CSMD1: variants seen among roughly 807,000 people sequenced by gnomAD.
The protein encoded by CSMD1 is CUB and Sushi multiple domains 1.
Under a neutral mutation model 417.5 loss-of-function variants are expected in CSMD1, and 213 were observed. The observed-to-expected ratio is 0.51, with a 90% confidence interval of 0.46 to 0.57. The LOEUF is 0.57. Among genes scored for constraint, CSMD1 ranks in the 20% least tolerant of loss-of-function variants. The pLI, the probability that CSMD1 is intolerant of heterozygous loss-of-function variation, is 0.00. For synonymous variants in CSMD1, 2,862 were observed against 1,736.8 expected (o/e 1.65, Z -16.11); for missense variants, 6,923 against 4,529.7 (o/e 1.53, Z -15.17).
At chr8:3,017,349 G>A (rs978534534) in intron 52 of CSMD1, among the ~76,000 whole-genome samples, 2 of 152,122 alleles carry the variant, frequency 1.3e-5, no homozygotes, top group Non-Finnish European at 1.5e-5. Context: ...CTCCTAGAAG[G>A]ACTTGTGACT....
chr8:2,949,650 C>T (rs970363793), intron 67 of CSMD1, among the ~76,000 whole-genome samples: 3 of 146,234 alleles, frequency 2.1e-5, no homozygotes, highest in Admixed American at 7.0e-5. Flanking sequence ...TACAATATAT[C>T]CATATGTTAA....
At chr8:4,983,428 A>G (rs1811004570) in intron 1 of CSMD1, among the ~76,000 whole-genome samples, 1 of 152,366 alleles carries the variant, frequency 6.6e-6, no homozygotes, top group African/African-American at 2.4e-5. Context: ...TGATGCTTGG[A>G]TACTTGCAAG....
intron 1 of CSMD1, among the ~76,000 whole-genome samples, chr8:4,969,624 G>A (rs567775616): frequency 6.6e-6 from 1 of 151,924 alleles, no homozygotes; most frequent in South Asian, 2.1e-4. Flanking sequence ...ACATAGGGCT[G>A]TGCTTTTGAA....
At chr8:3,302,138 G>T (rs374254910) in intron 25 of CSMD1, among the ~76,000 whole-genome samples, 2 of 152,128 alleles carry the variant, frequency 1.3e-5, no homozygotes, top group Non-Finnish European at 2.9e-5. Context: ...AATAGGGAAT[G>T]ATGACAATAA....
At chr8:3,890,586 C>T (rs1806901948) in intron 5 of CSMD1, among the ~76,000 whole-genome samples, 1 of 151,840 alleles carries the variant, frequency 6.6e-6, no homozygotes, top group African/African-American at 2.4e-5. Context: ...GTTTTTATGC[C>T]GATTTCAGGA....
chr8:4,047,405 G>T (rs966422132), intron 3 of CSMD1, among the ~76,000 whole-genome samples: 1 of 151,996 alleles, frequency 6.6e-6, no homozygotes, highest in Admixed American at 6.6e-5. Context: ...GAAATATTGC[G>T]GAAAAAATAA....
At chr8:4,706,040 A>C (rs1225685975) in intron 1 of CSMD1, among the ~76,000 whole-genome samples, 2 of 135,924 alleles carry the variant, frequency 1.5e-5, no homozygotes, top group Non-Finnish European at 3.4e-5. Context: ...TATTTAAAAT[A>C]TGTAATTTTT....
rs115000684 is a variant in CSMD1, at chr8:4,320,988, A to T, written c.415+98965T>A. ...GGTCCAGTTTCAGCATTGCCTCCTT[A>T]TACCAGTTTCTCTGTAAATTATTTA... On this transcript the variant is annotated intron_variant, in intron 3 of 69. Coordinates refer to ENST00000635120, the MANE Select transcript of CSMD1 (RefSeq NM_033225.6). Among the ~76,000 whole-genome samples, 1,016 of 152,248 alleles carry T rather than the reference A, an allele frequency of 6.7e-3. 13 individuals carry two copies. Among genetic ancestry groups the T allele is most frequent in the African/African-American group, 0.023 (955 of 41,546 alleles).
chr8:3,800,357 G>C (rs774260745), intron 5 of CSMD1, among the ~76,000 whole-genome samples: 2 of 152,042 alleles, frequency 1.3e-5, no homozygotes, highest in Non-Finnish European at 2.9e-5. Context: ...TGTTCCGGAA[G>C]TGTTTTGAGA....
Position 4,890,492 on chromosome 8 carries a change from C to A in CSMD1, c.85+103840G>T, listed in dbSNP as rs112781730. Among the ~76,000 whole-genome samples the A allele has an allele frequency of 6.4e-3, 962 of 151,064 alleles. 14 individuals carry two copies. The highest frequency in any genetic ancestry group is 0.023 in the African/African-American group (929 of 40,954). On this transcript the variant is annotated intron_variant, in intron 1 of 69. Coordinates refer to ENST00000635120, the MANE Select transcript of CSMD1 (RefSeq NM_033225.6). ...CCTCTTCTGCTTCAGGTCCTCACAGCCATGGGTATCCTGGGCAGGACAGGT... is the reference window on the plus strand; with the variant it reads ...CCTCTTCTGCTTCAGGTCCTCACAGACATGGGTATCCTGGGCAGGACAGGT...
intron 2 of CSMD1, among the ~76,000 whole-genome samples, chr8:4,490,392 A>C (rs1801641485): frequency 6.6e-6 from 1 of 152,196 alleles, no homozygotes; most frequent in Admixed American, 6.5e-5. Context: ...TTAGTTTCTA[A>C]GGAATAAAAT....
intron 2 of CSMD1, among the ~76,000 whole-genome samples, chr8:4,444,506 A>C (rs1798667117): frequency 6.6e-6 from 1 of 152,128 alleles, no homozygotes. Context: ...ATATTTTGAC[A>C]GACAAGTTTT....
At chr8:4,503,969 C>CAAAAAAAAAA (rs200846437) in intron 2 of CSMD1, among the ~76,000 whole-genome samples, 2 of 85,768 alleles carry the variant, frequency 2.3e-5, no homozygotes, top group African/African-American at 4.5e-5. Context: ...CTTGCATATT[C>CAAAAAAAAAA]AAAAAAAAAA....
At chr8:4,822,836 C>G (rs1799596710) in intron 1 of CSMD1, among the ~76,000 whole-genome samples, 1 of 151,864 alleles carries the variant, frequency 6.6e-6, no homozygotes, top group Non-Finnish European at 1.5e-5. Flanking sequence ...TATTTTGTCC[C>G]TTCTGTAATT....
At chr8:4,396,461 G>A (rs181611600) in intron 3 of CSMD1, among the ~76,000 whole-genome samples, 4 of 152,246 alleles carry the variant, frequency 2.6e-5, no homozygotes, top group Admixed American at 1.3e-4. Flanking sequence ...CAGAGTGACA[G>A]CCAGTCTCAC....
At chr8:3,919,895 A>C (rs967499531) in intron 5 of CSMD1, among the ~76,000 whole-genome samples, 2 of 152,156 alleles carry the variant, frequency 1.3e-5, no homozygotes, top group Non-Finnish European at 2.9e-5. Context: ...AATGACATTC[A>C]AAATGAGATT....
In CSMD1 at chr8:3,506,905, A is replaced by C. The variant is rs917092434; in HGVS notation, c.1345-13179T>G. On this transcript the variant is annotated intron_variant, in intron 10 of 69. Coordinates refer to ENST00000635120, the MANE Select transcript of CSMD1 (RefSeq NM_033225.6). ...TTTGATGTCGGATAATTTGAAAATA[A>C]ATATTGGCAACATCACTTAATAAAT... Among the ~76,000 whole-genome samples, 25 of 152,342 alleles carry C rather than the reference A, an allele frequency of 1.6e-4. No homozygotes were observed. The East Asian group carries it at 2.7e-3, about 16-fold the overall frequency.
At chr8:4,430,834 C>T (rs17070283) in intron 2 of CSMD1, among the ~76,000 whole-genome samples, 11,112 of 152,226 alleles carry the variant, frequency 0.073, 529 homozygotes, top group East Asian at 0.13. Flanking sequence ...ACTGCAAATA[C>T]TTCACTCCAG....
At chr8:2,955,905 T>C (rs756028567) in intron 63 of CSMD1, 137 bp from the exon 64 acceptor site, 4 of 566,542 alleles carry the variant, frequency 7.1e-6, no homozygotes, top group Non-Finnish European at 8.6e-6. Flanking sequence ...TACACATATA[T>C]ATGTATATTT....
Sources: gnomAD v4.1 joint callset for allele counts (sites outside exome capture counted in the v4.1 genomes callset) on GRCh38, gnomAD v4.1.1 for gene constraint, MANE v1.5 for transcripts, NCBI Gene and HGNC (gene_info 2026-07-23, HGNC 2026-07-21) for gene names.